The following ADRA1A variants were observed in gnomAD, a reference collection of about 807,000 sequenced individuals.
The protein encoded by ADRA1A is adrenoceptor alpha 1A.
ADRA1A carries 31 observed loss-of-function variants against 29.6 expected under a neutral mutation model. The observed-to-expected ratio is 1.05, with a 90% CI of 0.79 to 1.41. The LOEUF is 1.41. Ranked by LOEUF, ADRA1A falls within the 40% of genes most tolerant of loss-of-function variation. ADRA1A has a pLI of 0.00. For synonymous variants in ADRA1A, 311 were observed against 254.3 expected (o/e 1.22, Z -2.12); for missense variants, 619 against 601.1 (o/e 1.03, Z -0.31).
At chr8:26,834,266 C>A (rs1442679175) in intron 2 of ADRA1A, among the ~76,000 whole-genome samples, 1 of 152,100 alleles carries the variant, frequency 6.6e-6, no homozygotes, top group Non-Finnish European at 1.5e-5. Context: ...GGATCGAAGT[C>A]TTTAGGTTGT....
chr8:26,791,194 A>G (rs76610893), intron 2 of ADRA1A, among the ~76,000 whole-genome samples: 1 of 152,166 alleles, frequency 6.6e-6, no homozygotes, highest in Non-Finnish European at 1.5e-5. Context: ...ATTTCATTGC[A>G]TGAATATAAC....
intron 2 of ADRA1A, among the ~76,000 whole-genome samples, chr8:26,812,140 G>A (rs1809438908): frequency 6.6e-6 from 1 of 152,176 alleles, no homozygotes; most frequent in Non-Finnish European, 1.5e-5. Flanking sequence ...GAGAGGCTGA[G>A]AAAACTGGAC....
Position 26,817,495 on chromosome 8 carries a change from C to T in ADRA1A, c.883+46592G>A, listed in dbSNP as rs553849932. 3.9e-5 allele frequency among the ~76,000 whole-genome samples: 6 copies of T among 152,210 alleles called. No individual in the cohort carries two copies. In the South Asian group the frequency reaches 6.2e-4, roughly 16 times the overall value. ...GTGATTTCTTATAAAGTTAAACATACGAGCCGGGCACTGTGGCCCATACCT... is the reference window on the plus strand; with the variant it reads ...GTGATTTCTTATAAAGTTAAACATATGAGCCGGGCACTGTGGCCCATACCT... On this transcript the variant is annotated intron_variant, in intron 2 of 2. Transcript: ENST00000380573.
At chr8:26,757,097 C>T in intron 2 of ADRA1A, 1 of 702,714 alleles carries the variant, frequency 1.4e-6, no homozygotes, top group Non-Finnish European at 2.6e-6. Flanking sequence ...TTCATCCTTG[C>T]AGCTGCTTCT....
intron 2 of ADRA1A, among the ~76,000 whole-genome samples, chr8:26,771,114 A>G (rs1806110403): frequency 6.6e-6 from 1 of 152,228 alleles, no homozygotes; most frequent in Non-Finnish European, 1.5e-5. Flanking sequence ...ACACAGCCTC[A>G]GTGTTTATGA....
intron 2 of ADRA1A, among the ~76,000 whole-genome samples, chr8:26,816,308 A>G (rs1331936190): frequency 6.6e-6 from 1 of 152,180 alleles, no homozygotes; most frequent in Non-Finnish European, 1.5e-5. Flanking sequence ...GGTGGGATAA[A>G]CTTGCTGGGT....
rs532445923 is a variant in ADRA1A at position 26,787,929 on chromosome 8, T to C, written c.884-17263A>G. Among the ~76,000 whole-genome samples, 1 of 152,088 alleles carries C rather than the reference T, an allele frequency of 6.6e-6. No individual in the cohort carries two copies. Among genetic ancestry groups the C allele is most frequent in the South Asian group, 2.1e-4 (1 of 4,818 alleles). ...TTGTCTATTTTTTTTTTTTTAACAT[T>C]TGGGGATAATTTCCAAGGTCAGAAA... On this transcript the variant is annotated intron_variant, in intron 2 of 2. Transcript: ENST00000380573. This position sits in a 1 kb window ranked among gnomAD's most constrained non-coding sequence, Gnocchi z 4.2.
intron 2 of ADRA1A, among the ~76,000 whole-genome samples, chr8:26,834,099 A>G (rs1468356149): frequency 6.6e-6 from 1 of 152,240 alleles, no homozygotes; most frequent in Admixed American, 6.5e-5. Flanking sequence ...TAGCTTTCTT[A>G]TATGCCAGCA....
intron 2 of ADRA1A, among the ~76,000 whole-genome samples, chr8:26,750,766 T>G (rs1804888542): frequency 6.6e-6 from 1 of 152,176 alleles, no homozygotes; most frequent in Non-Finnish European, 1.5e-5. Context: ...CTCCTGGTGA[T>G]TCATAAAAAT....
intron 2 of ADRA1A, among the ~76,000 whole-genome samples, chr8:26,855,268 A>T (rs933030348): frequency 6.6e-6 from 1 of 151,824 alleles, no homozygotes; most frequent in Non-Finnish European, 1.5e-5. Flanking sequence ...TTTCCATGGA[A>T]GTTTGTAGAA....
At chr8:26,783,447 T>C (rs1807142063) in intron 2 of ADRA1A, among the ~76,000 whole-genome samples, 1 of 152,186 alleles carries the variant, frequency 6.6e-6, no homozygotes, top group South Asian at 2.1e-4. Context: ...ATATCAGAAT[T>C]TAATTTTAAG....
downstream of ADRA1A, among the ~76,000 whole-genome samples, chr8:26,768,061 G>A (rs1805885775): frequency 6.6e-6 from 1 of 152,124 alleles, no homozygotes; most frequent in Non-Finnish European, 1.5e-5. Flanking sequence ...TATGTATCTG[G>A]CCAGTAAGAA....
intron 2 of ADRA1A, among the ~76,000 whole-genome samples, chr8:26,802,129 A>C (rs1190787079): frequency 5.9e-5 from 9 of 152,180 alleles, no homozygotes; most frequent in African/African-American, 2.2e-4. Context: ...TACTAAAACA[A>C]AACATCAGAG....
At chr8:26,828,873 G>A (rs760301615) in intron 2 of ADRA1A, among the ~76,000 whole-genome samples, 1 of 152,094 alleles carries the variant, frequency 6.6e-6, no homozygotes, top group Non-Finnish European at 1.5e-5. Flanking sequence ...AAGAGCCCAG[G>A]ACCTCATTCC....
At chr8:26,817,831 T>C (rs757068942) in intron 2 of ADRA1A, among the ~76,000 whole-genome samples, 10 of 152,186 alleles carry the variant, frequency 6.6e-5, no homozygotes, top group African/African-American at 1.9e-4. Context: ...AGAAATTCAT[T>C]TGCTGATGTT....
intron 2 of ADRA1A, among the ~76,000 whole-genome samples, chr8:26,794,963 T>C (rs1808093515): frequency 6.6e-6 from 1 of 152,170 alleles, no homozygotes. Context: ...TCCTGTGTAC[T>C]ATAATAATTT....
rs982720673 is a variant in ADRA1A, at chr8:26,841,436, T to C, written c.883+22651A>G. On this transcript the variant is annotated intron_variant, in intron 2 of 2. Transcript: ENST00000380573. This position sits in a 1 kb window ranked among gnomAD's most constrained non-coding sequence, Gnocchi z 4.4. ...GGCATCGGGCTTTCCCAGATATCCT[T>C]TGCATTCAAATCCTCTCAACCACTG... 3.3e-5 allele frequency among the ~76,000 whole-genome samples: 5 copies of C among 152,180 alleles called. No homozygotes were observed. Among genetic ancestry groups the C allele is most frequent in the Admixed American group, 3.3e-4 (5 of 15,276 alleles).
intron 2 of ADRA1A, among the ~76,000 whole-genome samples, chr8:26,791,384 C>T (rs1365429132): frequency 6.6e-6 from 1 of 152,070 alleles, no homozygotes; most frequent in African/African-American, 2.4e-5. Flanking sequence ...ATCCGTATTG[C>T]CAAATTGCTC....
intron 2 of ADRA1A, among the ~76,000 whole-genome samples, chr8:26,835,274 A>T (rs1447102464): frequency 6.6e-6 from 1 of 152,176 alleles, no homozygotes; most frequent in Admixed American, 6.5e-5. Flanking sequence ...GTAGTGTGCA[A>T]ATTCTTTTCC....
Sources: allele counts gnomAD v4.1 joint callset (sites outside exome capture counted in the v4.1 genomes callset), GRCh38; gene constraint gnomAD v4.1.1; non-coding constraint Gnocchi (gnomAD v3.1); transcripts MANE v1.5; gene names NCBI Gene and HGNC (gene_info 2026-07-23, HGNC 2026-07-21).